Variants in PTPRB observed in about 807,000 individuals in gnomAD.
The protein encoded by PTPRB is protein tyrosine phosphatase receptor type B, also known as receptor-type tyrosine-protein phosphatase beta.
PTPRB carries 97 observed loss-of-function variants against 238.1 expected under a neutral mutation model. The observed-to-expected ratio is 0.41, with a 90% CI of 0.35 to 0.48. The LOEUF (loss-of-function observed/expected upper bound fraction) is 0.48, where lower values mean the gene tolerates loss of function less well. Among genes scored for constraint, PTPRB ranks in the 20% least tolerant of loss-of-function variants. The pLI is 0.30. For missense variants in PTPRB, 2,292 were observed against 2,681.9 expected, an observed-to-expected ratio of 0.85 and a Z score of 3.21; for synonymous variants, 970 against 995.4, an observed-to-expected ratio of 0.97 and a Z score of 0.48.
At chr12:70,586,020 G>A (rs1024552501) in intron 9 of PTPRB, among the ~76,000 whole-genome samples, 2 of 152,126 alleles carry the variant, frequency 1.3e-5, no homozygotes, top group Non-Finnish European at 2.9e-5. Flanking sequence ...TGTAATATGT[G>A]CCACATTTTC....
intron 32 of PTPRB, among the ~76,000 whole-genome samples, chr12:70,528,966 T>TG (rs1262232553): frequency 3.3e-5 from 5 of 151,992 alleles, no homozygotes; most frequent in African/African-American, 9.6e-5. Context: ...ATAAGGCTTT[T>TG]GGGGGGATCC....
At chr12:70,579,604 G>A (rs935774324) in intron 10 of PTPRB, among the ~76,000 whole-genome samples, 1 of 151,086 alleles carries the variant, frequency 6.6e-6, no homozygotes, top group Non-Finnish European at 1.5e-5. Context: ...GACTGAGACA[G>A]GAGAATCGCT....
At chr12:70,634,420 G>A (rs1885591208) in intron 2 of PTPRB, among the ~76,000 whole-genome samples, 1 of 152,130 alleles carries the variant, frequency 6.6e-6, no homozygotes, top group Non-Finnish European at 1.5e-5. Flanking sequence ...AAAAAATGGT[G>A]GGAAAGAATC....
intron 9 of PTPRB, among the ~76,000 whole-genome samples, chr12:70,583,260 G>A (rs1034731609): frequency 6.6e-6 from 1 of 152,058 alleles, no homozygotes; most frequent in Non-Finnish European, 1.5e-5. Flanking sequence ...TTCCCTTTCT[G>A]GCAGTATGAT....
chr12:70,636,134 C>A, intron 1 of PTPRB, 68 bp from the exon 2 acceptor site: 7 of 1,408,304 alleles, frequency 5.0e-6, no homozygotes, highest in Non-Finnish European at 4.7e-6. Flanking sequence ...ACGGAAGAAC[C>A]CACCCACAAA....
At chr12:70,637,059 CAA>C (rs1165799016) in intron 1 of PTPRB, among the ~76,000 whole-genome samples, 1 of 152,134 alleles carries the variant, frequency 6.6e-6, no homozygotes, top group Non-Finnish European at 1.5e-5. Flanking sequence ...TATAATAATA[CAA>C]ACTTTTCCTC....
intron 23 of PTPRB, chr12:70,540,262 TTA>T (rs757922829): frequency 6.3e-4 from 268 of 426,530 alleles, no homozygotes; most frequent in Non-Finnish European, 4.4e-4. Context: ...TGGCTACAGG[TTA>T]TAATCACTTC....
intron 21 of PTPRB, among the ~76,000 whole-genome samples, chr12:70,551,404 A>G (rs1876861117): frequency 6.6e-6 from 1 of 152,110 alleles, no homozygotes. Context: ...GTCCTGGGTA[A>G]AGGTAGCTTT....
chr12:70,566,842 T>C (rs2136355403), intron 14 of PTPRB, 138 bp from the exon 15 acceptor site: 2 of 885,448 alleles, frequency 2.3e-6, no homozygotes, highest in East Asian at 5.0e-5. Flanking sequence ...ACACTTTCTG[T>C]GTGCCCTTAT....
chr12:70,604,789 C>T (rs957519912), intron 4 of PTPRB, among the ~76,000 whole-genome samples: 6 of 152,072 alleles, frequency 3.9e-5, no homozygotes, highest in African/African-American at 1.4e-4. Flanking sequence ...CATTAACAGA[C>T]AGACAACAGA....
chr12:70,562,533 G>A (rs987752975), intron 16 of PTPRB, among the ~76,000 whole-genome samples: 9 of 152,042 alleles, frequency 5.9e-5, no homozygotes, highest in East Asian at 1.9e-4. Flanking sequence ...GGTGTAGCTC[G>A]AATTAAACTA....
chr12:70,563,021 T>C lies in PTPRB; in HGVS notation c.3991A>G (p.Ser1331Gly), dbSNP rs1278218835. 6.2e-7 allele frequency: 1 copy of C among 1,613,978 alleles called. No homozygotes were observed. Among genetic ancestry groups the C allele is most frequent in the Non-Finnish European group, 8.5e-7 (1 of 1,179,876 alleles). The change falls in exon 16 of 34, where the codon AGC becomes GGC. Residue 1331 changes from serine to glycine, a missense_variant. By Grantham distance (56) the Ser-to-Gly change is moderately conservative. Coordinates refer to ENST00000334414, the MANE Select transcript of PTPRB (RefSeq NM_001109754.4). ...TTGTACAAAAAGATGTTGTACCAGC[T>C]GAGCTCCCCCTCTGAGGCGGTCCAG... ...FRWTASEGEL[S>G]WYNIFLYNPD...
intron 2 of PTPRB, among the ~76,000 whole-genome samples, chr12:70,633,491 T>C (rs1335138124): frequency 1.3e-5 from 2 of 152,044 alleles, no homozygotes; most frequent in Admixed American, 1.3e-4. Flanking sequence ...AACCCCACAA[T>C]GGCATATTTA....
chr12:70,592,535 T>G lies in PTPRB; in HGVS notation c.1527A>C (p.Glu509Asp), dbSNP rs1365738298. ...RWKLVRTAPMEVSNLKVTNDG... is the reference protein window; with the variant it reads ...RWKLVRTAPMDVSNLKVTNDG... ...CATTTGTCACCTTCAGATTTGAGAC[T>G]TCCATGGGGGCTAATCAGGAAAGAA... The change falls in exon 7 of 34, where the codon GAA becomes GAC. Residue 509 changes from glutamate (E) to aspartate (D), a missense_variant. Physicochemically the swap from Glu to Asp is conservative, Grantham distance 45. This residue lies in a region of PTPRB where 1,205 missense variants were observed against 1,287.8 expected (regional missense o/e 0.94). Transcript: ENST00000334414. The G allele has an allele frequency of 6.2e-7, 1 of 1,613,506 alleles. No individual in the cohort carries two copies. Among genetic ancestry groups the G allele is most frequent in the African/African-American group, 1.3e-5 (1 of 74,868 alleles).
chr12:70,548,754 C>T (rs1438709177), intron 21 of PTPRB, among the ~76,000 whole-genome samples: 5 of 152,216 alleles, frequency 3.3e-5, no homozygotes, highest in Non-Finnish European at 5.9e-5. Flanking sequence ...AGTCCTCTCT[C>T]GTCCTATCAT....
intron 27 of PTPRB, 99 bp downstream of exon 27, chr12:70,538,825 C>T (rs376897013): frequency 5.9e-5 from 55 of 928,086 alleles, no homozygotes; most frequent in African/African-American, 4.6e-4. Flanking sequence ...TTGTCCATAT[C>T]GAGCTATATT....
chr12:70,576,504 A>G lies in PTPRB; in HGVS notation c.2720T>C (p.Val907Ala), dbSNP rs1880714125. The G allele has an allele frequency of 6.3e-7, 1 of 1,577,202 alleles. No homozygotes were observed. The highest frequency in any genetic ancestry group is 8.6e-7 in the Non-Finnish European group (1 of 1,159,678). The change falls in exon 11 of 34, where the codon GTC (valine) becomes GCC (alanine). Residue 907 changes from valine (V) to alanine (A), a missense_variant. By Grantham distance (64) the Val-to-Ala change is moderately conservative. This residue lies in a region of PTPRB where 1,205 missense variants were observed against 1,287.8 expected (regional missense o/e 0.94). Coordinates refer to ENST00000334414, the MANE Select transcript of PTPRB (RefSeq NM_001109754.4). The part of the protein sequence containing the change: ...SHDGKVVQSL[V>A]IAKSVRECSF... ...ACATTCTCTGACAGACTTGGCAATGACAAGGGACTGAACCACCTTGCCGTC... is the reference window on the plus strand; with the variant it reads ...ACATTCTCTGACAGACTTGGCAATGGCAAGGGACTGAACCACCTTGCCGTC...
rs1429846595 is a variant in PTPRB at position 70,618,529 on chromosome 12, AGAT to A, written c.708+3858_708+3860del. On this transcript the variant is annotated intron_variant, in intron 3 of 33. Transcript: ENST00000334414. ...AATGAGTGGGACTTGAGTAACTAGT[AGAT>A]ATCACCACTGGGATTTAAGCCAGGT... Among the ~76,000 whole-genome samples, 1,420 of 152,340 alleles carry A rather than the reference AGAT, an allele frequency of 9.3e-3. 19 individuals carry two copies. The highest frequency in any genetic ancestry group is 0.031 in the African/African-American group (1,292 of 41,574).
At position 70,552,863 on chromosome 12, in the gene PTPRB, T is replaced by G; in HGVS notation, c.5301A>C (p.Gly1767=). 1 of 1,613,952 alleles carries G rather than the reference T, an allele frequency of 6.2e-7. No individual in the cohort carries two copies. The highest frequency in any genetic ancestry group is 8.5e-7 in the Non-Finnish European group (1 of 1,179,862). The change falls in exon 21 of 34, where the codon GGA becomes GGC. Residue 1767 remains glycine, a synonymous_variant. Coordinates refer to ENST00000334414, the MANE Select transcript of PTPRB (RefSeq NM_001109754.4). ...TTCCACCTAGGCTCTCCATCTCTGC[T>G]CCAAGCTTAATGTTAAAACTCTTGG... The part of the protein sequence containing the change: ...SNSKSFNIKL[G]AEMESLGGKC...
Sources: gnomAD v4.1 joint callset for allele counts (sites outside exome capture counted in the v4.1 genomes callset) on GRCh38, gnomAD v4.1.1 for gene constraint, gnomAD v4.1.1 regional missense constraint, MANE v1.5 for transcripts, NCBI Gene and HGNC (gene_info 2026-07-23, HGNC 2026-07-21) for gene names.